The following SHISAL2A variants were observed in gnomAD, a reference collection of about 807,000 sequenced individuals.
SHISAL2A encodes the protein shisa like 2A.
A neutral mutation model predicts 11.5 loss-of-function variants in SHISAL2A; 18 were observed. The ratio of observed to expected loss-of-function variants is 1.57; its 90% CI spans 1.08 to 2.33. The LOEUF is 2.33. SHISAL2A is among the 30% of genes most tolerant of loss of function. The pLI is 0.00. For synonymous variants in SHISAL2A, 94 were observed against 99.6 expected (o/e 0.94, Z 0.34); for missense variants, 261 against 250.9 (o/e 1.04, Z -0.27).
At chr1:52,667,497 T>TCAC in exon 5 of SHISAL2A, 1 of 471,684 alleles carries the variant, frequency 2.1e-6, no homozygotes, top group Non-Finnish European at 2.8e-6. Flanking sequence ...ACCATCACCA[T>TCAC]CACCACCACC....
At chr1:52,637,316 C>T (rs180683403) in intron 1 of SHISAL2A, among the ~76,000 whole-genome samples, 13 of 152,312 alleles carry the variant, frequency 8.5e-5, no homozygotes, top group Admixed American at 2.6e-4. Context: ...AATAACTCTT[C>T]CGGCATGCTC....
In SHISAL2A at chr1:52,633,541, G is replaced by A. The variant is rs974885763; in HGVS notation, c.48G>A (p.Val16=). 6.2e-7 allele frequency: 1 copy of A among 1,606,420 alleles called. No individual in the cohort carries two copies. The highest frequency in any genetic ancestry group is 8.5e-7 in the Non-Finnish European group (1 of 1,177,052). Residue 16 remains valine (V), a synonymous_variant, in exon 1 of 3, where the codon GTG becomes GTA. Transcript: ENST00000517870. The surrounding 1 kb of genome is among the most constrained non-coding windows in gnomAD (Gnocchi z 6.4). ...TSYVSAEQEV[V]RGFSCPRPGG... ...ACGTGAGCGCAGAGCAGGAGGTGGT[G>A]CGCGGCTTCAGCTGCCCGCGGCCGG...
chr1:52,651,437 A>G (rs1008716096), intron 2 of SHISAL2A, among the ~76,000 whole-genome samples: 7 of 151,996 alleles, frequency 4.6e-5, no homozygotes, highest in Admixed American at 1.3e-4. Context: ...GGGTTTCACC[A>G]TCTTGGCCAG....
At chr1:52,644,944 G>A (rs1307298402) in intron 2 of SHISAL2A, among the ~76,000 whole-genome samples, 2 of 151,550 alleles carry the variant, frequency 1.3e-5, no homozygotes, top group African/African-American at 4.9e-5. Context: ...GTGAACCCGG[G>A]AGGCGGAGCT....
chr1:52,652,404 C>T (rs558945041), intron 2 of SHISAL2A, among the ~76,000 whole-genome samples: 6 of 152,254 alleles, frequency 3.9e-5, no homozygotes, highest in South Asian at 4.1e-4. Flanking sequence ...CTCACAAATT[C>T]GTAATCCTTT....
At chr1:52,661,674 G>C (rs564598186), downstream of SHISAL2A, among the ~76,000 whole-genome samples, 2 of 152,182 alleles carry the variant, frequency 1.3e-5, no homozygotes, top group African/African-American at 4.8e-5. Context: ...ACCCAGAGCA[G>C]ATGACCCACT....
At chr1:52,648,075 C>CATATATAATTATATATTAATATATCAT (rs34263327) in intron 2 of SHISAL2A, among the ~76,000 whole-genome samples, 1 of 146,992 alleles carries the variant, frequency 6.8e-6, no homozygotes. Context: ...ATTAATATAT[C>CATATATAATTATATATTAATATATCAT]ATATAATTAT....
chr1:52,643,868 GAA>G lies in SHISAL2A; in HGVS notation c.322+868_322+869del, dbSNP rs1467074403. On this transcript the variant is annotated intron_variant, in intron 2 of 2. Transcript: ENST00000517870. ...ACTGTCTCAGAAAGAAAGAAAGAAA[GAA>G]AGAGAGAAAGAGAGAGAGAGAGAGG... is the stretch of plus-strand genomic sequence containing the variant. 4.4e-5 allele frequency among the ~76,000 whole-genome samples: 6 copies of G among 135,350 alleles called. No individual in the cohort carries two copies. The East Asian group carries it at 1.3e-3, about 30-fold the overall frequency. The allele number at this position is 135,350 out of a possible 152,430, so 88.8% of individuals were successfully genotyped here.
intron 1 of SHISAL2A, among the ~76,000 whole-genome samples, chr1:52,641,624 A>G (rs540165296): frequency 6.6e-6 from 1 of 152,210 alleles, no homozygotes; most frequent in Non-Finnish European, 1.5e-5. Flanking sequence ...TGTCAGCAGA[A>G]CCATGGAGGT....
chr1:52,651,069 G>A (rs755506532), intron 2 of SHISAL2A, among the ~76,000 whole-genome samples: 7 of 151,620 alleles, frequency 4.6e-5, no homozygotes, highest in South Asian at 2.1e-4. Context: ...GCAAAGGAGT[G>A]ATGATCTATA....
chr1:52,644,951 A>C (rs956321967), intron 2 of SHISAL2A, among the ~76,000 whole-genome samples: 8 of 150,448 alleles, frequency 5.3e-5, no homozygotes, highest in Admixed American at 2.7e-4. Flanking sequence ...CGGGAGGCGG[A>C]GCTTGCAGTG....
At chr1:52,649,391 A>G (rs961445540) in intron 2 of SHISAL2A, among the ~76,000 whole-genome samples, 6 of 152,192 alleles carry the variant, frequency 3.9e-5, no homozygotes, top group Admixed American at 1.3e-4. Context: ...CCCAGACTCT[A>G]AAGCCTATGA....
chr1:52,654,970 G>A (rs932406189), intron 2 of SHISAL2A, among the ~76,000 whole-genome samples: 4 of 151,916 alleles, frequency 2.6e-5, no homozygotes, highest in African/African-American at 4.8e-5. Flanking sequence ...ATCACTTGAG[G>A]TCAGGAGTTC....
At chr1:52,640,687 G>A (rs543535151) in intron 1 of SHISAL2A, among the ~76,000 whole-genome samples, 1 of 151,536 alleles carries the variant, frequency 6.6e-6, no homozygotes, top group African/African-American at 2.4e-5. Flanking sequence ...TAAAGCCCTT[G>A]TAGATAGAGA....
downstream of SHISAL2A, among the ~76,000 whole-genome samples, chr1:52,659,928 G>C (rs681865): frequency 6.6e-6 from 1 of 151,882 alleles, no homozygotes. Context: ...CATTCCAAAC[G>C]CTAAAGTGGT....
At chr1:52,656,227 A>T (rs1162482164) in intron 2 of SHISAL2A, among the ~76,000 whole-genome samples, 2 of 152,220 alleles carry the variant, frequency 1.3e-5, no homozygotes, top group Non-Finnish European at 2.9e-5. Flanking sequence ...TTTAGAAGTG[A>T]CTATGGGTTT....
chr1:52,658,934 G>A (rs1175974687), downstream of SHISAL2A, among the ~76,000 whole-genome samples: 1 of 152,238 alleles, frequency 6.6e-6, no homozygotes, highest in Non-Finnish European at 1.5e-5. Context: ...ACATGATGGG[G>A]TGGCAAGACA....
In SHISAL2A at chr1:52,642,871, C is replaced by G. The variant is rs186026933; in HGVS notation, c.191C>G (p.Ala64Gly). The G allele has an allele frequency of 9.9e-4, 1,597 of 1,609,112 alleles. 7 individuals carry two copies. Among genetic ancestry groups the G allele is most frequent in the Non-Finnish European group, 2.5e-4 (295 of 1,176,404 alleles). The change falls in exon 2 of 3, where the codon GCT (alanine) becomes GGT (glycine). Residue 64 changes from alanine (A) to glycine (G), a missense_variant. By Grantham distance (60) the Ala-to-Gly change is moderately conservative. Coordinates refer to ENST00000517870, the MANE Select transcript of SHISAL2A (RefSeq NM_001042693.3). ...HSYMWWLSIG[A>G]LIGLSVAAVV... ...TGGTCTTCTCTTCCCAGCATTGGCG[C>G]TCTCATAGGCCTGTCCGTAGCAGCA...
intron 2 of SHISAL2A, among the ~76,000 whole-genome samples, chr1:52,655,206 A>G (rs1295048708): frequency 6.6e-6 from 1 of 151,954 alleles, no homozygotes; most frequent in South Asian, 2.1e-4. Context: ...ATAAATAAAT[A>G]AAACAAAATA....
Sources: gnomAD v4.1 joint callset for allele counts (sites outside exome capture counted in the v4.1 genomes callset) on GRCh38, gnomAD v4.1.1 for gene constraint, Gnocchi (gnomAD v3.1) non-coding constraint, MANE v1.5 for transcripts, NCBI Gene and HGNC (gene_info 2026-07-23, HGNC 2026-07-21) for gene names.